PCDH15: variants seen among roughly 807,000 people sequenced by gnomAD.
The protein encoded by PCDH15 is protocadherin related 15.
In PCDH15, 129 loss-of-function variants were observed where a neutral mutation model predicts 178.5. The ratio of observed to expected loss-of-function variants is 0.72; its 90% CI spans 0.63 to 0.84. The LOEUF (loss-of-function observed/expected upper bound fraction) is 0.84. Among genes scored for constraint, PCDH15 ranks in the 40% least tolerant of loss-of-function variants. The probability of loss-of-function intolerance (pLI) is 0.00; values close to 1 mark genes in which losing one functional copy is unlikely to be tolerated. For missense variants in PCDH15, 2,230 were observed against 2,099.9 expected, an observed-to-expected ratio of 1.06 and a Z score of -1.21; for synonymous variants, 800 against 732.0, an observed-to-expected ratio of 1.09 and a Z score of -1.50.
intron 12 of PCDH15, among the ~76,000 whole-genome samples, chr10:54,184,316 A>G (rs1217810564): frequency 6.6e-6 from 1 of 152,060 alleles, no homozygotes; most frequent in East Asian, 1.9e-4. Flanking sequence ...ATCTTGTTTA[A>G]CTTGTGCTTT....
intron 2 of PCDH15, among the ~76,000 whole-genome samples, chr10:55,032,637 T>C (rs963979331): frequency 3.3e-5 from 5 of 151,886 alleles, no homozygotes; most frequent in African/African-American, 1.2e-4. Flanking sequence ...ACAATGAAAA[T>C]AAAAATCTGT....
chr10:54,921,767 C>T (rs1050060432), intron 2 of PCDH15, among the ~76,000 whole-genome samples: 2 of 152,100 alleles, frequency 1.3e-5, no homozygotes, highest in African/African-American at 4.8e-5. Context: ...CATAAAAAAA[C>T]TACCTCTGAC....
intron 1 of PCDH15, among the ~76,000 whole-genome samples, chr10:55,224,619 G>C (rs1840975213): frequency 6.6e-6 from 1 of 152,072 alleles, no homozygotes; most frequent in African/African-American, 2.4e-5. Flanking sequence ...TGAGTATAAG[G>C]CTCTTTGACT....
At chr10:55,129,910 A>G (rs559823015) in intron 2 of PCDH15, among the ~76,000 whole-genome samples, 1 of 152,300 alleles carries the variant, frequency 6.6e-6, no homozygotes, top group African/African-American at 2.4e-5. Flanking sequence ...TATACAATAA[A>G]TGTGAGGTAC....
At chr10:54,821,713 T>A (rs998190752) in intron 3 of PCDH15, among the ~76,000 whole-genome samples, 1 of 152,148 alleles carries the variant, frequency 6.6e-6, no homozygotes, top group African/African-American at 2.4e-5. Flanking sequence ...ATGAATTATC[T>A]TTTTGTTGTT....
chr10:54,110,690 G>GT (rs1291787203), intron 15 of PCDH15, among the ~76,000 whole-genome samples: 11 of 152,080 alleles, frequency 7.2e-5, no homozygotes, highest in African/African-American at 2.7e-4. Flanking sequence ...TGAAATTTAT[G>GT]TTTTTTAACC....
At chr10:55,531,859 T>C (rs1007185579) in intron 2 of PCDH15, among the ~76,000 whole-genome samples, 3 of 152,172 alleles carry the variant, frequency 2.0e-5, no homozygotes, top group African/African-American at 7.2e-5. Flanking sequence ...AAAGTGTTTA[T>C]ATAGAGACCT....
intron 2 of PCDH15, among the ~76,000 whole-genome samples, chr10:55,415,925 T>A (rs560347031): frequency 4.3e-4 from 66 of 151,760 alleles, no homozygotes; most frequent in African/African-American, 1.5e-3. Flanking sequence ...TAAAGAGCCA[T>A]ATTTTTTTTT....
chr10:54,926,344 T>A (rs1837625648), intron 2 of PCDH15, among the ~76,000 whole-genome samples: 1 of 152,150 alleles, frequency 6.6e-6, no homozygotes. Context: ...CTGGATTTGG[T>A]CTGCCAGTAT....
At chr10:54,439,609 T>C (rs1322414810) in intron 3 of PCDH15, among the ~76,000 whole-genome samples, 1 of 152,056 alleles carries the variant, frequency 6.6e-6, no homozygotes, top group East Asian at 1.9e-4. Flanking sequence ...AAAATGGTAA[T>C]GCTGGGCTTT....
At chr10:54,658,659 A>T (rs145292191) in intron 2 of PCDH15, among the ~76,000 whole-genome samples, 2 of 152,194 alleles carry the variant, frequency 1.3e-5, no homozygotes, top group African/African-American at 4.8e-5. Flanking sequence ...CATGCAAATG[A>T]AAGGACAATA....
In PCDH15 at chr10:55,287,542, A is replaced by G. The variant is rs536628093; in HGVS notation, c.-156+32057T>C. The stretch of plus-strand genomic sequence containing the variant: ...TTTCACCAGCAGGTGGACTATGTTC[A>G]ATGCCTGAGTTGCATTCAGAGTAAG... On this transcript the variant is annotated intron_variant, in intron 1 of 5. Coordinates refer to the PCDH15 transcript ENST00000458638. 2.1e-3 allele frequency among the ~76,000 whole-genome samples: 315 copies of G among 152,144 alleles called. 1 individual carries two copies. The highest frequency in any genetic ancestry group is 7.4e-3 in the African/African-American group (307 of 41,548).
At chr10:54,599,987 T>C in intron 2 of PCDH15, 1 of 1,303,960 alleles carries the variant, frequency 7.7e-7, no homozygotes, top group Non-Finnish European at 1.1e-6. Context: ...AAGTCTACTG[T>C]GCCAAAATCA....
chr10:55,538,061 G>T (rs1841623361), intron 2 of PCDH15, among the ~76,000 whole-genome samples: 1 of 152,252 alleles, frequency 6.6e-6, no homozygotes, highest in South Asian at 2.1e-4. Flanking sequence ...CTTGAGAAAT[G>T]ATAGACATCC....
chr10:54,161,055 T>A (rs1162116615), intron 13 of PCDH15, among the ~76,000 whole-genome samples: 1 of 152,182 alleles, frequency 6.6e-6, no homozygotes, highest in Non-Finnish European at 1.5e-5. Context: ...TATATGTGTA[T>A]ATATATGTGT....
At position 54,861,940 on chromosome 10, in the gene PCDH15, C is replaced by A. The variant is rs112944788; in HGVS notation, c.-29+35510G>T. Among the ~76,000 whole-genome samples, 515 of 152,220 alleles carry A rather than the reference C, an allele frequency of 3.4e-3. 6 individuals carry two copies. Among genetic ancestry groups the A allele is most frequent in the African/African-American group, 0.012 (491 of 41,532 alleles). On this transcript the variant is annotated intron_variant, in intron 3 of 5. Coordinates refer to the PCDH15 transcript ENST00000458638. ...TGCATAGAGCTGCTAGGTAAATACA[C>A]CTTCAGTTAACTTTAGGAGTATCCT...
At chr10:54,249,377 A>G (rs943467690) in intron 8 of PCDH15, among the ~76,000 whole-genome samples, 13 of 152,170 alleles carry the variant, frequency 8.5e-5, no homozygotes, top group African/African-American at 3.1e-4. Context: ...ATGCTTGTCA[A>G]TAGTGAGGGA....
At chr10:54,713,405 C>T (rs1591219557) in intron 1 of PCDH15, among the ~76,000 whole-genome samples, 2 of 152,044 alleles carry the variant, frequency 1.3e-5, no homozygotes, top group African/African-American at 4.8e-5. Context: ...AAAACTTGTA[C>T]AGGTTGGAGA....
intron 1 of PCDH15, among the ~76,000 whole-genome samples, chr10:55,306,133 C>T (rs1843419668): frequency 1.3e-5 from 2 of 152,202 alleles, no homozygotes; most frequent in African/African-American, 4.8e-5. Context: ...GATAATCTAT[C>T]AATTTCCAAA....
Sources: gnomAD v4.1 joint callset for allele counts (sites outside exome capture counted in the v4.1 genomes callset) on GRCh38, gnomAD v4.1.1 for gene constraint, MANE v1.5 for transcripts, NCBI Gene and HGNC (gene_info 2026-07-23, HGNC 2026-07-21) for gene names.